PLXNA2: variants seen among roughly 807,000 people sequenced by gnomAD.
PLXNA2 encodes the protein plexin A2, also known as plexin-A2.
A neutral mutation model predicts 193.5 loss-of-function variants in PLXNA2; 91 were observed. The ratio of observed to expected loss-of-function variants is 0.47; its 90% CI spans 0.40 to 0.56. PLXNA2 has a LOEUF of 0.56. PLXNA2 is among the 20% of genes least tolerant of loss of function. The pLI, the probability that PLXNA2 is intolerant of heterozygous loss-of-function variation, is 0.00. For missense variants in PLXNA2, 1,995 were observed against 2,503.2 expected (o/e 0.80, Z 4.33); for synonymous variants, 997 against 1,027.3 (o/e 0.97, Z 0.56).
intron 17 of PLXNA2, among the ~76,000 whole-genome samples, chr1:208,048,286 G>C (rs947861856): frequency 6.6e-6 from 1 of 152,216 alleles, no homozygotes; most frequent in African/African-American, 2.4e-5. Flanking sequence ...CCAAAGATGA[G>C]GGGTAGGCCC....
chr1:208,054,486 G>C lies in PLXNA2; in HGVS notation c.2791C>G (p.Arg931Gly), dbSNP rs148647105. The C allele has an allele frequency of 3.7e-6, 6 of 1,614,106 alleles. No individual in the cohort carries two copies. Among genetic ancestry groups the C allele is most frequent in the Admixed American group, 1.7e-5 (1 of 60,014 alleles). The change falls in exon 14 of 32, where the codon CGC (arginine) becomes GGC (glycine). Residue 931 changes from arginine (R) to glycine (G), a missense_variant. Arg to Gly is a moderately radical substitution (Grantham distance 125). Coordinates refer to ENST00000367033, the MANE Select transcript of PLXNA2 (RefSeq NM_025179.4). ...ALVGTTSGPV[R>G]LCIGECKPEF... is the part of the protein sequence containing the mutation. ...GGCTTACACTCGCCAATACACAGGC[G>C]TACTGGCCCGGAGGTGGTTCCCACG...
At chr1:208,049,337 G>A (rs1241120163) in intron 17 of PLXNA2, among the ~76,000 whole-genome samples, 1 of 147,278 alleles carries the variant, frequency 6.8e-6, no homozygotes, top group Non-Finnish European at 1.5e-5. Flanking sequence ...CTTCCTGGGT[G>A]TGAACTTACC....
intron 27 of PLXNA2, among the ~76,000 whole-genome samples, chr1:208,033,956 G>T (rs1009818670): frequency 6.6e-6 from 1 of 152,194 alleles, no homozygotes; most frequent in African/African-American, 2.4e-5. Context: ...TTTTGGTGCT[G>T]CTGGGTTCAG....
intron 9 of PLXNA2, among the ~76,000 whole-genome samples, chr1:208,085,153 A>G (rs1433919316): frequency 6.6e-6 from 1 of 152,150 alleles, no homozygotes; most frequent in Non-Finnish European, 1.5e-5. Flanking sequence ...TTGGAAAACA[A>G]AACCAAAAAA....
intron 4 of PLXNA2, among the ~76,000 whole-genome samples, chr1:208,128,781 A>C (rs1195409082): frequency 6.9e-6 from 1 of 144,156 alleles, no homozygotes; most frequent in African/African-American, 2.6e-5. Flanking sequence ...GGCTCCCTGC[A>C]AGCTCCATCT....
In PLXNA2 at chr1:208,026,652, C is replaced by CTCTCTT. The variant is rs1553270771; in HGVS notation, c.*590_*591insAAGAGA. 2 of 140,814 alleles carry CTCTCTT rather than the reference C, an allele frequency of 1.4e-5. No individual in the cohort carries two copies. The highest frequency in any genetic ancestry group is 3.1e-5 in the Non-Finnish European group (2 of 65,220). The allele number at this position is 140,814 out of a possible 1,614,324, so 8.7% of individuals were successfully genotyped here. ...TCATCATTCTTCTTCTCCTCTTTCT[C>CTCTCTT]TTTTTTTTTTTTTTTTTAATTTCAA... On this transcript the variant is annotated 3_prime_UTR_variant, in exon 32 of 32. Coordinates refer to ENST00000367033, the MANE Select transcript of PLXNA2 (RefSeq NM_025179.4).
intron 2 of PLXNA2, among the ~76,000 whole-genome samples, chr1:208,211,648 G>A (rs1241194176): frequency 2.7e-5 from 4 of 149,804 alleles, no homozygotes; most frequent in African/African-American, 7.4e-5. Context: ...AGCCGAGATT[G>A]CGCCACTGCA....
chr1:208,158,166 A>G (rs1241040852), intron 3 of PLXNA2, among the ~76,000 whole-genome samples: 1 of 152,174 alleles, frequency 6.6e-6, no homozygotes, highest in Non-Finnish European at 1.5e-5. Context: ...AGTCACATAA[A>G]TACTAGTCCA....
rs139210943 is a variant in PLXNA2, at chr1:208,184,749, A to ACAC, written c.1371+25528_1371+25530dup. 3.5e-4 allele frequency among the ~76,000 whole-genome samples: 50 copies of ACAC among 143,344 alleles called. 2 individuals are homozygous for ACAC. The East Asian group carries it at 3.9e-3, about 11-fold the overall frequency. The allele number at this position is 143,344 out of a possible 152,430, so 94.0% of individuals were successfully genotyped here. ...CTGGTGCAGAGAAATCACAAAGAGTACACACACACACACACACGCCTCATG... is the reference window on the plus strand; with the variant it reads ...CTGGTGCAGAGAAATCACAAAGAGTACACCACACACACACACACACGCCTCATG... On this transcript the variant is annotated intron_variant, in intron 3 of 31. Transcript: ENST00000367033.
Position 208,045,139 on chromosome 1 carries a change from AG to A in PLXNA2, c.3566del (p.Pro1189LeufsTer38). 1 of 1,614,156 alleles carries A rather than the reference AG, an allele frequency of 6.2e-7. No individual in the cohort carries two copies. Among genetic ancestry groups the A allele is most frequent in the Non-Finnish European group, 8.5e-7 (1 of 1,180,002 alleles). On this transcript the variant is annotated frameshift_variant, in exon 19 of 32. Coordinates refer to ENST00000367033, the MANE Select transcript of PLXNA2 (RefSeq NM_025179.4). LOFTEE classifies it high-confidence loss of function. ...LNYTVLIGETPCAVTVSETQL... is the reference protein window; with the variant it reads ...LNYTVLIGETXCAVTVSETQL... ...GGGTCTCAGATACGGTGACAGCACAAGGGGTCTCTCCGATGAGCACAGTGTA... is the reference window on the plus strand; with the variant it reads ...GGGTCTCAGATACGGTGACAGCACAAGGGTCTCTCCGATGAGCACAGTGTA...
intron 12 of PLXNA2, among the ~76,000 whole-genome samples, chr1:208,066,431 G>A (rs1218726326): frequency 1.3e-5 from 2 of 152,176 alleles, no homozygotes; most frequent in Admixed American, 6.5e-5. Context: ...GCATATTGAC[G>A]TTTTGGTCAA....
chr1:208,158,118 C>T (rs2102509424), intron 3 of PLXNA2, among the ~76,000 whole-genome samples: 1 of 152,310 alleles, frequency 6.6e-6, no homozygotes, highest in East Asian at 1.9e-4. Flanking sequence ...CTAGGTACAG[C>T]TTCTGATGCC....
At chr1:208,196,314 T>C (rs1378495000) in intron 3 of PLXNA2, among the ~76,000 whole-genome samples, 3 of 152,166 alleles carry the variant, frequency 2.0e-5, no homozygotes, top group African/African-American at 4.8e-5. Flanking sequence ...CCAAACACAC[T>C]GTTTCCTAGG....
At chr1:208,079,111 C>T (rs2274446) in intron 12 of PLXNA2, 149 bp downstream of exon 12, 166,194 of 633,008 alleles carry the variant, frequency 0.26, 22,716 homozygotes, top group Admixed American at 0.34. Flanking sequence ...GCCGTTAAGA[C>T]ACACGCGAGA....
chr1:208,035,479 A>G (rs1258042317), intron 26 of PLXNA2, among the ~76,000 whole-genome samples: 2 of 152,112 alleles, frequency 1.3e-5, no homozygotes, highest in East Asian at 1.9e-4. Context: ...CCCATCCTCT[A>G]TGAGGGTACC....
chr1:208,108,771 A>C (rs149499671), intron 4 of PLXNA2, among the ~76,000 whole-genome samples: 2 of 152,318 alleles, frequency 1.3e-5, no homozygotes, highest in East Asian at 3.9e-4. Flanking sequence ...AAGGAAATAG[A>C]TAATCTCAAT....
chr1:208,138,952 A>G (rs1259573775), intron 4 of PLXNA2, among the ~76,000 whole-genome samples: 2 of 152,206 alleles, frequency 1.3e-5, no homozygotes, highest in Non-Finnish European at 2.9e-5. Flanking sequence ...GCTTTAACCC[A>G]GGAGGCGGAG....
At chr1:208,163,853 C>A (rs1045574384) in intron 3 of PLXNA2, among the ~76,000 whole-genome samples, 2 of 152,186 alleles carry the variant, frequency 1.3e-5, no homozygotes, top group African/African-American at 4.8e-5. Context: ...CCTGGCAAGT[C>A]GATGCTCCAT....
At chr1:208,169,941 G>T (rs1046692637) in intron 3 of PLXNA2, among the ~76,000 whole-genome samples, 2 of 152,046 alleles carry the variant, frequency 1.3e-5, no homozygotes, top group East Asian at 3.9e-4. Flanking sequence ...TAAATGTCTA[G>T]ACTTTTCTAG....
Sources: gnomAD v4.1 joint callset for allele counts (sites outside exome capture counted in the v4.1 genomes callset) on GRCh38, gnomAD v4.1.1 for gene constraint, MANE v1.5 for transcripts, NCBI Gene and HGNC (gene_info 2026-07-23, HGNC 2026-07-21) for gene names.